ERBB4: variants seen among roughly 807,000 people sequenced by gnomAD.
The protein encoded by ERBB4 is receptor tyrosine-protein kinase erbB-4.
ERBB4 carries 42 observed loss-of-function variants against 158.0 expected under a neutral mutation model. The ratio of observed to expected loss-of-function variants is 0.27; its 90% CI spans 0.21 to 0.34. The LOEUF (loss-of-function observed/expected upper bound fraction) is 0.34, where lower values mean the gene tolerates loss of function less well. Among genes scored for constraint, ERBB4 ranks in the 10% least tolerant of loss-of-function variants. ERBB4 has a pLI of 1.00. For missense variants in ERBB4, 1,333 were observed against 1,624.1 expected (o/e 0.82, Z 3.08); for synonymous variants, 583 against 558.7 (o/e 1.04, Z -0.61).
chr2:212,001,177 G>A (rs1352038649), intron 2 of ERBB4, among the ~76,000 whole-genome samples: 3 of 151,962 alleles, frequency 2.0e-5, no homozygotes, highest in Non-Finnish European at 4.4e-5. Flanking sequence ...AGAGTTATTA[G>A]CATGTTTCCT....
chr2:212,007,158 C>G (rs1206016309), intron 2 of ERBB4, among the ~76,000 whole-genome samples: 1 of 151,734 alleles, frequency 6.6e-6, no homozygotes, highest in East Asian at 1.9e-4. Flanking sequence ...TCTTCAAAAC[C>G]TTCAATGAAC....
chr2:211,840,601 T>C (rs1011586956), intron 3 of ERBB4, among the ~76,000 whole-genome samples: 4 of 152,094 alleles, frequency 2.6e-5, no homozygotes, highest in African/African-American at 9.7e-5. Flanking sequence ...GAGGAAAACA[T>C]GAATTTTTCC....
At chr2:211,607,436 A>T (rs2069024480) in intron 19 of ERBB4, among the ~76,000 whole-genome samples, 1 of 152,212 alleles carries the variant, frequency 6.6e-6, no homozygotes, top group Admixed American at 6.5e-5. Flanking sequence ...CAGATAATGG[A>T]ATATTTAATT....
chr2:212,319,379 T>C (rs2087454087), intron 1 of ERBB4, among the ~76,000 whole-genome samples: 1 of 150,490 alleles, frequency 6.6e-6, no homozygotes, highest in Non-Finnish European at 1.5e-5. Context: ...TGTTGTTTTT[T>C]ATGATTGCTG....
intron 1 of ERBB4, among the ~76,000 whole-genome samples, chr2:212,325,581 T>C (rs2087787455): frequency 6.6e-6 from 1 of 150,820 alleles, no homozygotes; most frequent in Non-Finnish European, 1.5e-5. Flanking sequence ...AAATGCATTC[T>C]TGTTTAGTTC....
intron 3 of ERBB4, among the ~76,000 whole-genome samples, chr2:211,816,156 G>C (rs557069167): frequency 4.9e-4 from 74 of 152,148 alleles, no homozygotes; most frequent in African/African-American, 1.7e-3. Flanking sequence ...TATCCTGTTG[G>C]TTCTGTCCCT....
intron 1 of ERBB4, among the ~76,000 whole-genome samples, chr2:212,127,533 C>A (rs571141337): frequency 1.4e-3 from 214 of 151,984 alleles, no homozygotes; most frequent in Middle Eastern, 6.8e-3. Flanking sequence ...TGGAGCTTGC[C>A]GTGAGCCGAG....
intron 2 of ERBB4, among the ~76,000 whole-genome samples, chr2:212,018,502 T>G (rs2076576356): frequency 6.6e-6 from 1 of 152,194 alleles, no homozygotes; most frequent in Admixed American, 6.5e-5. Flanking sequence ...GACCTTAAAT[T>G]ATCATCTTTA....
intron 3 of ERBB4, among the ~76,000 whole-genome samples, chr2:211,883,041 C>A (rs1222122405): frequency 6.6e-6 from 1 of 152,092 alleles, no homozygotes; most frequent in Non-Finnish European, 1.5e-5. Context: ...ATAGCAAAGA[C>A]CAACTCAGAT....
At chr2:212,453,963 CAA>C (rs1688139665) in intron 1 of ERBB4, among the ~76,000 whole-genome samples, 1 of 143,656 alleles carries the variant, frequency 7.0e-6, no homozygotes, top group Admixed American at 7.0e-5. Flanking sequence ...TTTTTTTAGA[CAA>C]AGTCTCACTC....
At chr2:212,073,229 A>C (rs1331933321) in intron 2 of ERBB4, among the ~76,000 whole-genome samples, 1 of 151,946 alleles carries the variant, frequency 6.6e-6, no homozygotes, top group Non-Finnish European at 1.5e-5. Context: ...TATGAAAGAT[A>C]CTCATCTTTA....
intron 20 of ERBB4, among the ~76,000 whole-genome samples, chr2:211,537,177 CAT>C (rs1474223193): frequency 4.6e-5 from 7 of 151,832 alleles, no homozygotes; most frequent in African/African-American, 1.7e-4. Flanking sequence ...TTACTAAGAG[CAT>C]TCTCAAAAAC....
intron 19 of ERBB4, among the ~76,000 whole-genome samples, chr2:211,567,349 G>C (rs922880542): frequency 1.1e-4 from 17 of 152,162 alleles, no homozygotes; most frequent in Admixed American, 2.0e-4. Flanking sequence ...CTACCTGCAT[G>C]AATTGGGTCA....
At chr2:212,040,283 C>T (rs2077107925) in intron 2 of ERBB4, among the ~76,000 whole-genome samples, 1 of 151,892 alleles carries the variant, frequency 6.6e-6, no homozygotes, top group African/African-American at 2.4e-5. Flanking sequence ...AAGTAACACA[C>T]ACTATTATTT....
At chr2:212,169,342 A>G (rs1034861277) in intron 1 of ERBB4, among the ~76,000 whole-genome samples, 3 of 152,162 alleles carry the variant, frequency 2.0e-5, no homozygotes, top group Non-Finnish European at 4.4e-5. Context: ...AGATTTAAAA[A>G]AATAAGTTTA....
At chr2:211,418,224 A>G (rs1026243347) in intron 25 of ERBB4, among the ~76,000 whole-genome samples, 1 of 150,188 alleles carries the variant, frequency 6.7e-6, no homozygotes, top group East Asian at 2.0e-4. Context: ...AATTTAGCCA[A>G]ACTTAAAATG....
At chr2:212,027,337 T>G (rs896046051) in intron 2 of ERBB4, among the ~76,000 whole-genome samples, 1 of 148,174 alleles carries the variant, frequency 6.7e-6, no homozygotes, top group African/African-American at 2.5e-5. Context: ...GGTCACATGA[T>G]CAGAAAATCA....
intron 20 of ERBB4, among the ~76,000 whole-genome samples, chr2:211,534,252 T>C (rs1315091895): frequency 6.6e-6 from 1 of 152,092 alleles, no homozygotes; most frequent in Non-Finnish European, 1.5e-5. Context: ...AGACAGGATT[T>C]ACAGGTATAC....
intron 1 of ERBB4, among the ~76,000 whole-genome samples, chr2:212,249,717 C>A (rs561802743): frequency 6.6e-6 from 1 of 151,968 alleles, no homozygotes; most frequent in African/African-American, 2.4e-5. Flanking sequence ...TTGTAAAATT[C>A]TAGGATTTCT....
Sources: allele counts gnomAD v4.1 joint callset (sites outside exome capture counted in the v4.1 genomes callset), GRCh38; gene constraint gnomAD v4.1.1; transcripts MANE v1.5; gene names NCBI Gene and HGNC (gene_info 2026-07-23, HGNC 2026-07-21).